ZNF385D: variants seen among roughly 807,000 people sequenced by gnomAD.
ZNF385D encodes the protein zinc finger protein 659.
ZNF385D carries 15 observed loss-of-function variants against 35.8 expected under a neutral mutation model. The observed-to-expected ratio is 0.42, with a 90% CI of 0.28 to 0.64. The LOEUF (loss-of-function observed/expected upper bound fraction) is 0.64, where lower values mean the gene tolerates loss of function less well. Ranked by LOEUF, ZNF385D falls within the 30% of genes least tolerant of loss-of-function variation. ZNF385D has a pLI of 0.23. For missense variants in ZNF385D, 474 were observed against 494.6 expected, an observed-to-expected ratio of 0.96 and a Z score of 0.39; for synonymous variants, 212 against 186.8, an observed-to-expected ratio of 1.13 and a Z score of -1.10.
chr3:22,361,717 CAG>C (rs1299517242), intron 2 of ZNF385D, among the ~76,000 whole-genome samples: 1 of 151,918 alleles, frequency 6.6e-6, no homozygotes, highest in Non-Finnish European at 1.5e-5. Flanking sequence ...TTCAGGGCAG[CAG>C]AGAGACCAGG....
chr3:22,277,553 A>G lies in ZNF385D; in HGVS notation c.106+94897T>C, dbSNP rs145146210. Among the ~76,000 whole-genome samples the G allele has an allele frequency of 1.6e-3, 249 of 152,270 alleles. 1 individual carries two copies. The highest frequency in any genetic ancestry group is 1.6e-3 in the Admixed American group (24 of 15,278). On this transcript the variant is annotated intron_variant, in intron 2 of 5. Coordinates refer to the ZNF385D transcript ENST00000494108. Reference sequence around the variant, plus strand: ...TCACTAAATAGTATCAAACGAATTAAAGCATAAAGTTTTTATCATGCTATT... The same window carrying G: ...TCACTAAATAGTATCAAACGAATTAGAGCATAAAGTTTTTATCATGCTATT...
rs1305216021 is a variant in ZNF385D at position 21,646,351 on chromosome 3, G to C, written c.165+18535C>G. Among the ~76,000 whole-genome samples, 1 of 152,186 alleles carries C rather than the reference G, an allele frequency of 6.6e-6. No homozygotes were observed. Among genetic ancestry groups the C allele is most frequent in the Admixed American group, 6.5e-5 (1 of 15,272 alleles). On this transcript the variant is annotated intron_variant, in intron 2 of 7. Transcript: ENST00000281523. The surrounding 1 kb of genome is among the most constrained non-coding windows in gnomAD (Gnocchi z 4.3). ...AGTAATCTACAGACAGCTTACAACAGTGCTGCACACGATTAATCTGACTTC... is the reference window on the plus strand; with the variant it reads ...AGTAATCTACAGACAGCTTACAACACTGCTGCACACGATTAATCTGACTTC...
chr3:21,974,991 T>C (rs1401040002), intron 3 of ZNF385D, among the ~76,000 whole-genome samples: 2 of 152,130 alleles, frequency 1.3e-5, no homozygotes, highest in Non-Finnish European at 2.9e-5. Context: ...GTACAACCAC[T>C]ATAAAGAACA....
Position 22,076,241 on chromosome 3 carries a change from A to T in ZNF385D, c.325+92576T>A, listed in dbSNP as rs187613041. ...TTAGTTTCTCACTTCATTCACAATAAAGATACATTCTTTATCCTCCATTAT... is the reference window on the plus strand; with the variant it reads ...TTAGTTTCTCACTTCATTCACAATATAGATACATTCTTTATCCTCCATTAT... On this transcript the variant is annotated intron_variant, in intron 3 of 5. Coordinates refer to the ZNF385D transcript ENST00000494108. 2.0e-5 allele frequency among the ~76,000 whole-genome samples: 3 copies of T among 151,988 alleles called. No individual in the cohort carries two copies. In the East Asian group the frequency reaches 5.8e-4, roughly 29 times the overall value.
chr3:22,181,492 C>G (rs559608031), intron 2 of ZNF385D, among the ~76,000 whole-genome samples: 1 of 151,862 alleles, frequency 6.6e-6, no homozygotes, highest in East Asian at 2.0e-4. Context: ...GTCAGGAGAT[C>G]GAGACCATGC....
intron 3 of ZNF385D, among the ~76,000 whole-genome samples, chr3:22,025,317 G>A (rs1361246178): frequency 6.6e-6 from 1 of 152,096 alleles, no homozygotes; most frequent in Non-Finnish European, 1.5e-5. Context: ...CTCCTTAGAA[G>A]CCACCCCCAA....
intron 3 of ZNF385D, among the ~76,000 whole-genome samples, chr3:21,556,068 G>GTTTTTTTTTTTTTTTTTTTTTTAATTTT (rs148079775): frequency 2.0e-5 from 2 of 99,016 alleles, no homozygotes; most frequent in Non-Finnish European, 3.9e-5. Context: ...TTTTGTTTTT[G>GTTTTTTTTTTTTTTTTTTTTTTAATTTT]TTTTTTTTTT....
At chr3:21,444,579 G>A (rs1368128424) in intron 4 of ZNF385D, among the ~76,000 whole-genome samples, 1 of 151,734 alleles carries the variant, frequency 6.6e-6, no homozygotes, top group East Asian at 1.9e-4. Flanking sequence ...TAGAGGCGGG[G>A]TTTCACCACG....
intron 2 of ZNF385D, chr3:22,372,445 CT>C: frequency 1.0e-6 from 1 of 985,948 alleles, no homozygotes; most frequent in Non-Finnish European, 1.2e-6. Flanking sequence ...TTGCACTCAA[CT>C]TACCGCGGCT....
Position 21,423,958 on chromosome 3 carries a change from C to T in ZNF385D, c.954+5G>A. ...GAGGCTGGACTCTTGCAAAATGACA[C>T]TCACCCCCAGTGGATGTGCTGTCTT... On this transcript the variant is annotated splice_donor_5th_base_variant and intron_variant, in intron 7 of 7. Transcript: ENST00000281523. The T allele has an allele frequency of 6.2e-7, 1 of 1,605,338 alleles. No homozygotes were observed. Among genetic ancestry groups the T allele is most frequent in the South Asian group, 1.1e-5 (1 of 89,354 alleles).
intron 1 of ZNF385D, among the ~76,000 whole-genome samples, chr3:21,722,594 T>G (rs1434638525): frequency 6.6e-6 from 1 of 152,248 alleles, no homozygotes; most frequent in Non-Finnish European, 1.5e-5. Flanking sequence ...TGATATTCAG[T>G]GTTGCTTTTC....
chr3:21,724,476 CCAAAAAAAAAAAAAAA>C (rs2068670219), intron 1 of ZNF385D, among the ~76,000 whole-genome samples: 1 of 19,196 alleles, frequency 5.2e-5, no homozygotes, highest in Non-Finnish European at 9.0e-5. Flanking sequence ...AAATGGAAAG[CCAAAAAAAAAAAAAAA>C]AAAAAAAAAA....
At chr3:21,742,154 T>C (rs2069546017) in intron 1 of ZNF385D, among the ~76,000 whole-genome samples, 1 of 152,234 alleles carries the variant, frequency 6.6e-6, no homozygotes. Flanking sequence ...ATAAAGTTTG[T>C]ATTCAAATTT....
chr3:21,511,802 A>C (rs1707231506), intron 3 of ZNF385D: 1 of 450,198 alleles, frequency 2.2e-6, no homozygotes, highest in African/African-American at 2.0e-5. Context: ...GCATTTTCTC[A>C]TGTTTTATTT....
intron 2 of ZNF385D, among the ~76,000 whole-genome samples, chr3:21,570,262 C>G (rs911979678): frequency 6.6e-6 from 1 of 152,068 alleles, no homozygotes; most frequent in Non-Finnish European, 1.5e-5. Context: ...ACTGAAGAAC[C>G]TTTGCATTTC....
chr3:21,956,509 A>G (rs1702297311), intron 3 of ZNF385D, among the ~76,000 whole-genome samples: 1 of 152,050 alleles, frequency 6.6e-6, no homozygotes. Context: ...CTAAGAGGTA[A>G]CCTTGGAAAA....
chr3:21,596,531 T>G (rs2064132311), intron 2 of ZNF385D, among the ~76,000 whole-genome samples: 1 of 152,126 alleles, frequency 6.6e-6, no homozygotes. Context: ...TTATTTATTT[T>G]TTTAGAGACC....
chr3:22,105,050 A>G lies in ZNF385D; in HGVS notation c.325+63767T>C, dbSNP rs1702134395. Among the ~76,000 whole-genome samples the G allele has an allele frequency of 2.0e-5, 3 of 152,154 alleles. No homozygotes were observed. In the South Asian group the frequency reaches 6.2e-4, roughly 32 times the overall value. On this transcript the variant is annotated intron_variant, in intron 3 of 5. Coordinates refer to the ZNF385D transcript ENST00000494108. ...ATGTTTAAAATTAAACACTGTTTGA[A>G]TAATTTTAAAATGTAGTATTTTTTA... is the stretch of plus-strand genomic sequence containing the variant.
chr3:21,793,564 GC>G (rs1441381263), intron 3 of ZNF385D, among the ~76,000 whole-genome samples: 1 of 152,186 alleles, frequency 6.6e-6, no homozygotes, highest in Non-Finnish European at 1.5e-5. Context: ...AGTTCTCTCT[GC>G]AAAGTGCAAA....
Sources: gnomAD v4.1 joint callset for allele counts (sites outside exome capture counted in the v4.1 genomes callset) on GRCh38, gnomAD v4.1.1 for gene constraint, Gnocchi (gnomAD v3.1) non-coding constraint, MANE v1.5 for transcripts, NCBI Gene and HGNC (gene_info 2026-07-23, HGNC 2026-07-21) for gene names.